The following DACH2 variants were observed in gnomAD, a reference collection of about 807,000 sequenced individuals.
The protein encoded by DACH2 is dachshund homolog 2.
In DACH2, 17 loss-of-function variants were observed where a neutral mutation model predicts 35.8. The ratio of observed to expected loss-of-function variants is 0.48; its 90% CI spans 0.33 to 0.71. The LOEUF (loss-of-function observed/expected upper bound fraction) is 0.71, where lower values mean the gene tolerates loss of function less well. Ranked by LOEUF, DACH2 falls within the 30% of genes least tolerant of loss-of-function variation. The pLI is 0.02. For missense variants in DACH2, 469 were observed against 472.7 expected (o/e 0.99, Z 0.07); for synonymous variants, 195 against 177.3 (o/e 1.10, Z -0.79).
chrX:86,185,563 C>T (rs1394405480), intron 1 of DACH2, among the ~76,000 whole-genome samples: 2 of 111,284 alleles, frequency 1.8e-5, no homozygotes, highest in Non-Finnish European at 3.8e-5. Context: ...CTACTCAGTT[C>T]TCTGGAATCT....
In DACH2 at chrX:86,719,276, A is replaced by G. The variant is rs949934430; in HGVS notation, c.1104+4556A>G. The stretch of plus-strand genomic sequence containing the variant: ...TTATTTGTTTATCTGCTGGATCATT[A>G]TTGGTATGTATAAATGCTACCAATT... On this transcript the variant is annotated intron_variant, in intron 6 of 11. Coordinates refer to ENST00000373125, the MANE Select transcript of DACH2 (RefSeq NM_053281.3). Among the ~76,000 whole-genome samples the G allele has an allele frequency of 2.7e-5, 3 of 111,816 alleles. No individual in the cohort carries two copies. In the Admixed American group the frequency reaches 2.9e-4, roughly 11 times the overall value.
chrX:86,756,087 T>G (rs763123007), intron 7 of DACH2, among the ~76,000 whole-genome samples: 7 of 111,499 alleles, frequency 6.3e-5, no homozygotes, highest in African/African-American at 2.3e-4. Context: ...TCTGTTCCAG[T>G]GGTCTTTGTG....
intron 3 of DACH2, among the ~76,000 whole-genome samples, chrX:86,607,652 G>T (rs2039876305): frequency 9.3e-6 from 1 of 107,571 alleles, no homozygotes; most frequent in African/African-American, 3.4e-5. Flanking sequence ...GTGCAGGTTA[G>T]TTACATATGT....
At chrX:86,282,980 G>A (rs1163824639) in intron 1 of DACH2, among the ~76,000 whole-genome samples, 2 of 37,938 alleles carry the variant, frequency 5.3e-5, no homozygotes, top group Non-Finnish European at 8.0e-5. Context: ...GGGTTTCACC[G>A]CTTTAGCCGG....
intron 3 of DACH2, among the ~76,000 whole-genome samples, chrX:86,623,510 T>A (rs2040092511): frequency 9.0e-6 from 1 of 111,711 alleles, no homozygotes; most frequent in Non-Finnish European, 1.9e-5. Flanking sequence ...GAGCTCTGTC[T>A]GAAGATGGGT....
chrX:86,622,560 T>A (rs917110824), intron 3 of DACH2, among the ~76,000 whole-genome samples: 1 of 111,311 alleles, frequency 9.0e-6, no homozygotes, highest in African/African-American at 3.3e-5. Context: ...TGAAAAAAAA[T>A]CCCCTCAGGT....
intron 2 of DACH2, among the ~76,000 whole-genome samples, chrX:86,391,853 T>C (rs1236719184): frequency 8.9e-6 from 1 of 111,765 alleles, no homozygotes; most frequent in African/African-American, 3.2e-5. Flanking sequence ...CCTTTACTTA[T>C]ATAAGAAAAT....
At chrX:86,517,898 T>C (rs2038495135) in intron 3 of DACH2, among the ~76,000 whole-genome samples, 1 of 112,017 alleles carries the variant, frequency 8.9e-6, no homozygotes, top group Non-Finnish European at 1.9e-5. Flanking sequence ...CCCTTAAGTT[T>C]AATTAGATCC....
At chrX:86,637,224 AAAAAAAAAAAAAAAAAAAAAAACAG>A (rs1243842633) in intron 3 of DACH2, among the ~76,000 whole-genome samples, 115 of 88,689 alleles carry the variant, frequency 1.3e-3, no homozygotes, top group Non-Finnish European at 2.4e-3. Context: ...AAAAAAAAAA[AAAAAAAAAAAAAAAAAAAAAAACAG>A]ATGCTGGTTA....
intron 1 of DACH2, among the ~76,000 whole-genome samples, chrX:86,280,935 A>T (rs1360024476): frequency 8.9e-6 from 1 of 111,785 alleles, no homozygotes; most frequent in East Asian, 2.8e-4. Flanking sequence ...ATACAGGAGC[A>T]CCCAGATTCA....
intron 2 of DACH2, among the ~76,000 whole-genome samples, chrX:86,398,634 C>T (rs2036352173): frequency 1.8e-5 from 2 of 111,855 alleles, no homozygotes; most frequent in African/African-American, 6.5e-5. Context: ...TTTCTGCCTT[C>T]ATTTCGTTAT....
intron 3 of DACH2, among the ~76,000 whole-genome samples, chrX:86,574,571 T>G (rs888282505): frequency 8.9e-6 from 1 of 111,780 alleles, no homozygotes; most frequent in African/African-American, 3.2e-5. Flanking sequence ...ACTCAATATG[T>G]ATAACCATCT....
intron 7 of DACH2, among the ~76,000 whole-genome samples, chrX:86,759,421 T>C (rs994916728): frequency 1.2e-4 from 13 of 111,835 alleles, no homozygotes; most frequent in African/African-American, 3.6e-4. Flanking sequence ...AAGTCTGTTT[T>C]ATCTAAGTAT....
intron 1 of DACH2, among the ~76,000 whole-genome samples, chrX:86,167,929 A>G (rs1337422174): frequency 8.9e-6 from 1 of 111,765 alleles, no homozygotes; most frequent in African/African-American, 3.2e-5. Context: ...AAGTTTTTTG[A>G]ATGTTTTAAG....
intron 2 of DACH2, among the ~76,000 whole-genome samples, chrX:86,435,940 T>C (rs2037061468): frequency 8.9e-6 from 1 of 111,771 alleles, no homozygotes; most frequent in Admixed American, 9.5e-5. Flanking sequence ...CCTAAACTTG[T>C]GGCATTTGTG....
intron 1 of DACH2, among the ~76,000 whole-genome samples, chrX:86,277,548 T>C (rs2033941291): frequency 8.9e-6 from 1 of 112,523 alleles, no homozygotes; most frequent in African/African-American, 3.2e-5. Context: ...AAAAACAAAT[T>C]CAAGCGATTT....
At chrX:86,551,749 C>T (rs1248130805) in intron 3 of DACH2, among the ~76,000 whole-genome samples, 6 of 111,743 alleles carry the variant, frequency 5.4e-5, no homozygotes, top group Non-Finnish European at 1.1e-4. Context: ...TTTCTGATGA[C>T]TTAAATCCAA....
chrX:86,638,592 G>A (rs2040307557), intron 3 of DACH2, among the ~76,000 whole-genome samples: 1 of 111,358 alleles, frequency 9.0e-6, no homozygotes, highest in Non-Finnish European at 1.9e-5. Flanking sequence ...TAACAAGCAG[G>A]TAAAGGACAT....
Position 86,288,607 on chromosome X carries a change from G to A in DACH2, c.489-88217G>A, listed in dbSNP as rs190468956. Among the ~76,000 whole-genome samples the A allele has an allele frequency of 1.1e-4, 12 of 112,041 alleles. No homozygotes were observed. In the East Asian group the frequency reaches 3.4e-3, roughly 32 times the overall value. On this transcript the variant is annotated intron_variant, in intron 1 of 11. Coordinates refer to ENST00000373125, the MANE Select transcript of DACH2 (RefSeq NM_053281.3). Reference sequence around the variant, plus strand: ...CCTGGCACTCAAACCACAAGACAGAGTCCTTTTCACTCTTCCCTCCCTTTC... The same window carrying A: ...CCTGGCACTCAAACCACAAGACAGAATCCTTTTCACTCTTCCCTCCCTTTC...
Sources: allele counts gnomAD v4.1 joint callset (sites outside exome capture counted in the v4.1 genomes callset), GRCh38; gene constraint gnomAD v4.1.1; transcripts MANE v1.5; gene names NCBI Gene and HGNC (gene_info 2026-07-23, HGNC 2026-07-21).